The following PLEKHA7 variants were observed in gnomAD, a reference collection of about 807,000 sequenced individuals.
The protein encoded by PLEKHA7 is pleckstrin homology domain-containing family A member 7.
Under a neutral mutation model 170.0 loss-of-function variants are expected in PLEKHA7, and 104 were observed. That is an observed-to-expected ratio of 0.61 (90% CI 0.52 to 0.72). PLEKHA7 has a LOEUF of 0.72. Among genes scored for constraint, PLEKHA7 ranks in the 30% least tolerant of loss-of-function variants. The pLI is 0.00. For synonymous variants in PLEKHA7, 648 were observed against 660.8 expected (o/e 0.98, Z 0.30); for missense variants, 1,615 against 1,671.7 (o/e 0.97, Z 0.59).
At chr11:16,935,709 C>T (rs1156299469) in intron 3 of PLEKHA7, among the ~76,000 whole-genome samples, 1 of 152,212 alleles carries the variant, frequency 6.6e-6, no homozygotes, top group Non-Finnish European at 1.5e-5. Context: ...GATACTCTCT[C>T]TACATAATCC....
chr11:17,001,682 G>A (rs1255257000), intron 3 of PLEKHA7, among the ~76,000 whole-genome samples: 1 of 151,852 alleles, frequency 6.6e-6, no homozygotes. Context: ...GCCCCAGGAA[G>A]AGACTGCACA....
rs760219065 is a variant in PLEKHA7 at position 17,014,116 on chromosome 11, G to C, written c.163+9C>G. ...GCGCGCGCCCCCCACCCGCCGGCCC[G>C]GCGCCCACCTGAGCGGATCATGTGG... On this transcript the variant is annotated intron_variant, in intron 2 of 26. Coordinates refer to ENST00000531066, the MANE Select transcript of PLEKHA7 (RefSeq NM_001329630.2). 9.4e-6 allele frequency: 15 copies of C among 1,598,336 alleles called. No homozygotes were observed. In the South Asian group the frequency reaches 1.7e-4, roughly 18 times the overall value.
chr11:16,882,069 C>G (rs1214322110), intron 3 of PLEKHA7, among the ~76,000 whole-genome samples: 1 of 152,176 alleles, frequency 6.6e-6, no homozygotes, highest in African/African-American at 2.4e-5. Context: ...GCAGGTGACA[C>G]TTGAATATGA....
chr11:17,001,097 C>A (rs1463500984), intron 3 of PLEKHA7, among the ~76,000 whole-genome samples: 1 of 152,180 alleles, frequency 6.6e-6, no homozygotes, highest in African/African-American at 2.4e-5. Context: ...GCTCACTGCT[C>A]TGCTCCATGG....
intron 13 of PLEKHA7, among the ~76,000 whole-genome samples, chr11:16,809,596 G>C (rs942204141): frequency 2.0e-5 from 3 of 152,136 alleles, no homozygotes; most frequent in African/African-American, 7.2e-5. Flanking sequence ...CCTGACTCAG[G>C]GACATTTTGT....
rs182329119 is a variant in PLEKHA7 at position 16,779,399 on chromosome 11, G to C, written c.3794-379C>G. 5.8e-3 allele frequency among the ~76,000 whole-genome samples: 883 copies of C among 152,324 alleles called. 15 individuals are homozygous for C. The highest frequency in any genetic ancestry group is 6.4e-3 in the Non-Finnish European group (433 of 68,028). On this transcript the variant is annotated intron_variant, in intron 26 of 26. Transcript: ENST00000531066. ...GTCATACCCACTTCTTAACAAGGATGCTTTGAGAGTAAGAAGAAATGCAGT... is the reference window on the plus strand; with the variant it reads ...GTCATACCCACTTCTTAACAAGGATCCTTTGAGAGTAAGAAGAAATGCAGT...
At chr11:16,801,215 G>T in intron 16 of PLEKHA7, 140 bp from the exon 17 acceptor site, 1 of 737,238 alleles carries the variant, frequency 1.4e-6, no homozygotes, top group Admixed American at 2.1e-5. Context: ...GGGAGAGAGA[G>T]AGGAGCAGGA....
In PLEKHA7 at chr11:16,777,698, T is replaced by C. The variant is rs1001159822; in HGVS notation, c.*1300A>G. The C allele has an allele frequency of 9.9e-5, 15 of 152,146 alleles. No individual in the cohort carries two copies. Among genetic ancestry groups the C allele is most frequent in the African/African-American group, 3.1e-4 (13 of 41,436 alleles). 9.4% of individuals were successfully genotyped at this position (152,146 alleles called of 1,614,324 possible). Reference sequence around the variant, plus strand: ...CCTGGCTTGGTAGCCCCCCTCCTCATGTGGGGCTGGAAGTCAAATCAAAGT... The same window carrying C: ...CCTGGCTTGGTAGCCCCCCTCCTCACGTGGGGCTGGAAGTCAAATCAAAGT... On this transcript the variant is annotated 3_prime_UTR_variant, in exon 27 of 27. Coordinates refer to ENST00000531066, the MANE Select transcript of PLEKHA7 (RefSeq NM_001329630.2).
chr11:16,783,780 G>T lies in PLEKHA7; in HGVS notation c.3570C>A (p.Pro1190=). The T allele has an allele frequency of 1.3e-6, 2 of 1,514,582 alleles. No homozygotes were observed. The highest frequency in any genetic ancestry group is 1.8e-6 in the Non-Finnish European group (2 of 1,136,620). The allele number at this position is 1,514,582 out of a possible 1,614,324, so 93.8% of individuals were successfully genotyped here. ...SIPERYVELD[P]EEPPSLEELQ... is the part of the protein sequence containing the mutation. ...GCTCCTCAAGGCTGGGTGGCTCTTC[G>T]GGATCTAGCTCCACGTAGCGCTCAG... The change falls in exon 25 of 27, where the codon CCC becomes CCA. Residue 1190 remains proline, a synonymous_variant. Coordinates refer to ENST00000531066, the MANE Select transcript of PLEKHA7 (RefSeq NM_001329630.2).
At chr11:16,861,833 A>G (rs1853978041) in intron 4 of PLEKHA7, among the ~76,000 whole-genome samples, 1 of 152,192 alleles carries the variant, frequency 6.6e-6, no homozygotes, top group Admixed American at 6.5e-5. Flanking sequence ...GGCTAAAACT[A>G]CTGGTATAGA....
chr11:16,921,241 C>T (rs1330346400), intron 3 of PLEKHA7, among the ~76,000 whole-genome samples: 1 of 137,188 alleles, frequency 7.3e-6, no homozygotes, highest in Non-Finnish European at 1.7e-5. Context: ...AACTCTGAGC[C>T]TAACAGTCAT....
chr11:16,961,167 C>T (rs753076729), intron 3 of PLEKHA7, among the ~76,000 whole-genome samples: 4 of 152,182 alleles, frequency 2.6e-5, no homozygotes, highest in Non-Finnish European at 5.9e-5. Flanking sequence ...GGTCATTCAG[C>T]GAAGTTTCCT....
chr11:16,878,988 C>T (rs1210635794), intron 3 of PLEKHA7, among the ~76,000 whole-genome samples: 2 of 152,094 alleles, frequency 1.3e-5, no homozygotes, highest in African/African-American at 2.4e-5. Context: ...TCCTCAACTC[C>T]CCTGTAAAGG....
At chr11:16,924,361 A>C (rs1461569761) in intron 3 of PLEKHA7, among the ~76,000 whole-genome samples, 1 of 152,130 alleles carries the variant, frequency 6.6e-6, no homozygotes, top group Admixed American at 6.5e-5. Flanking sequence ...AATACACCCG[A>C]GGGCACTGGC....
intron 3 of PLEKHA7, among the ~76,000 whole-genome samples, chr11:16,876,812 A>AGGGC (rs1855330792): frequency 6.6e-6 from 1 of 152,216 alleles, no homozygotes; most frequent in Non-Finnish European, 1.5e-5. Context: ...TTTTGATTGT[A>AGGGC]ATATGAGCAG....
intron 3 of PLEKHA7, among the ~76,000 whole-genome samples, chr11:16,945,464 A>ACG (rs1860969205): frequency 6.6e-6 from 1 of 152,176 alleles, no homozygotes; most frequent in Non-Finnish European, 1.5e-5. Flanking sequence ...CTTCCCCAAA[A>ACG]GACTGAGAGT....
chr11:16,917,219 AAAAAAAT>A (rs1013061914), intron 3 of PLEKHA7, among the ~76,000 whole-genome samples: 17 of 152,090 alleles, frequency 1.1e-4, no homozygotes, highest in African/African-American at 3.6e-4. Context: ...ACCCTGTCTC[AAAAAAAT>A]AAAAAATAAA....
intron 3 of PLEKHA7, among the ~76,000 whole-genome samples, chr11:16,964,951 G>A (rs899576044): frequency 1.3e-5 from 2 of 151,152 alleles, no homozygotes; most frequent in Admixed American, 1.3e-4. Context: ...ATTTATAAAT[G>A]AGCATACATG....
chr11:16,934,035 A>G (rs1860120889), intron 3 of PLEKHA7, among the ~76,000 whole-genome samples: 1 of 152,190 alleles, frequency 6.6e-6, no homozygotes, highest in Admixed American at 6.5e-5. Flanking sequence ...GGCCTCCAGA[A>G]AGCAACAGGA....
Sources: gnomAD v4.1 joint callset for allele counts (sites outside exome capture counted in the v4.1 genomes callset) on GRCh38, gnomAD v4.1.1 for gene constraint, MANE v1.5 for transcripts, NCBI Gene and HGNC (gene_info 2026-07-23, HGNC 2026-07-21) for gene names.